Variants in ZC3H12B observed in about 807,000 individuals in gnomAD.
The protein encoded by ZC3H12B is zinc finger CCCH-type containing 12B.
ZC3H12B carries 7 observed loss-of-function variants against 43.9 expected under a neutral mutation model. That is an observed-to-expected ratio of 0.16 (90% confidence interval 0.09 to 0.30). ZC3H12B has a LOEUF of 0.30. ZC3H12B is among the 10% of genes least tolerant of loss of function. The pLI is 1.00. For synonymous variants in ZC3H12B, 222 were observed against 241.7 expected, an observed-to-expected ratio of 0.92 and a Z score of 0.76; for missense variants, 475 against 670.2, an observed-to-expected ratio of 0.71 and a Z score of 3.22.
At chrX:65,309,204 G>A in the ZC3H12B span, among the ~76,000 whole-genome samples, 1 of 109,663 alleles carries the variant, frequency 9.1e-6, no homozygotes, top group East Asian at 2.8e-4. Context: ...ATGAATCCAG[G>A]AGCTGTTTTT....
chrX:65,504,330 T>G (rs900913578), exon 5 of ZC3H12B: 17 of 112,590 alleles, frequency 1.5e-4, no homozygotes, highest in African/African-American at 5.5e-4. Context: ...TCACATTTCA[T>G]AGTTTTAACT....
At chrX:65,408,912 C>T (rs754408145) in intron 3 of ZC3H12B, among the ~76,000 whole-genome samples, 11 of 111,562 alleles carry the variant, frequency 9.9e-5, no homozygotes, top group Admixed American at 1.9e-4. Flanking sequence ...CTAGTTAATG[C>T]CAGTGGCCTG....
chrX:65,115,210 C>A, the ZC3H12B span, among the ~76,000 whole-genome samples: 1 of 107,790 alleles, frequency 9.3e-6, no homozygotes, highest in African/African-American at 3.4e-5. Context: ...CACCCCCCAC[C>A]CTTTTACCCG....
chrX:65,220,066 A>G, the ZC3H12B span, among the ~76,000 whole-genome samples: 3 of 111,639 alleles, frequency 2.7e-5, no homozygotes, highest in African/African-American at 9.7e-5. Flanking sequence ...CTCCTCAAAC[A>G]AAACAATTAT....
At chrX:65,350,421 C>G in the ZC3H12B span, among the ~76,000 whole-genome samples, 1 of 111,621 alleles carries the variant, frequency 9.0e-6, no homozygotes, top group African/African-American at 3.3e-5. Flanking sequence ...CAGCAAAAGA[C>G]AAGGATGCTC....
At chrX:65,188,043 G>C in the ZC3H12B span, among the ~76,000 whole-genome samples, 33 of 111,384 alleles carry the variant, frequency 3.0e-4, no homozygotes, top group African/African-American at 1.1e-3. Context: ...TCAGTAATAT[G>C]TGAGAACATG....
chrX:65,244,874 C>A, the ZC3H12B span, among the ~76,000 whole-genome samples: 7 of 110,404 alleles, frequency 6.3e-5, no homozygotes, highest in South Asian at 1.9e-3. Flanking sequence ...CAACAAAGTG[C>A]AAACTTTTCA....
At chrX:65,297,567 A>G in the ZC3H12B span, among the ~76,000 whole-genome samples, 1 of 111,650 alleles carries the variant, frequency 9.0e-6, no homozygotes, top group Non-Finnish European at 1.9e-5. Context: ...AAATGACCAT[A>G]CTGCCAAAAG....
intron 3 of ZC3H12B, among the ~76,000 whole-genome samples, chrX:65,458,734 C>G (rs894659257): frequency 8.9e-6 from 1 of 111,827 alleles, no homozygotes; most frequent in Non-Finnish European, 1.9e-5. Context: ...ACTTATAGCA[C>G]TAAATGCCCA....
At chrX:65,459,441 T>C (rs56764627) in intron 3 of ZC3H12B, among the ~76,000 whole-genome samples, 26,150 of 110,897 alleles carry the variant, frequency 0.24, 7,530 homozygotes, top group African/African-American at 0.82. Flanking sequence ...TGATGAACAT[T>C]GATGCAAAAA....
At chrX:65,369,997 A>T (rs2066223994) in intron 2 of ZC3H12B, among the ~76,000 whole-genome samples, 1 of 111,465 alleles carries the variant, frequency 9.0e-6, no homozygotes, top group African/African-American at 3.3e-5. Context: ...CTGCAATCGC[A>T]GCATTTTGGG....
chrX:65,412,976 G>GT (rs1488214300), intron 3 of ZC3H12B, among the ~76,000 whole-genome samples: 1 of 109,280 alleles, frequency 9.2e-6, no homozygotes, highest in Non-Finnish European at 1.9e-5. Flanking sequence ...TATTTTCTCG[G>GT]TTTTTTTTCC....
intron 2 of ZC3H12B, among the ~76,000 whole-genome samples, chrX:65,397,095 CT>C (rs1455857251): frequency 1.8e-5 from 2 of 111,297 alleles, no homozygotes; most frequent in Non-Finnish European, 3.8e-5. Flanking sequence ...CTATATGTGT[CT>C]TTGCACGTGA....
At chrX:65,471,261 C>T (rs1015007394) in intron 3 of ZC3H12B, among the ~76,000 whole-genome samples, 3 of 109,826 alleles carry the variant, frequency 2.7e-5, no homozygotes, top group Non-Finnish European at 5.7e-5. Context: ...TATATAATAA[C>T]CTTCTTTGTC....
chrX:65,363,348 T>A (rs141501953), upstream of ZC3H12B, among the ~76,000 whole-genome samples: 1,229 of 111,602 alleles, frequency 0.011, 7 homozygotes, highest in Non-Finnish European at 0.017. Context: ...CTGCTCTCCC[T>A]GCCGTTTGTG....
chrX:65,441,493 A>T (rs977184438), intron 3 of ZC3H12B, among the ~76,000 whole-genome samples: 1 of 111,581 alleles, frequency 9.0e-6, no homozygotes, highest in Non-Finnish European at 1.9e-5. Context: ...TGTGCTTCCA[A>T]ATCCTCCTGT....
chrX:65,381,974 G>A (rs1231552075), intron 2 of ZC3H12B, among the ~76,000 whole-genome samples: 1 of 111,280 alleles, frequency 9.0e-6, no homozygotes, highest in Non-Finnish European at 1.9e-5. Context: ...ACTTACCAAC[G>A]ATAAAGAGTC....
At chrX:65,501,966 T>C in exon 5 of ZC3H12B, 1 of 1,210,834 alleles carries the variant, frequency 8.3e-7, no homozygotes, top group Non-Finnish European at 1.1e-6. Flanking sequence ...AAAGGTGAGA[T>C]AACCTCAGAG....
At chrX:65,141,961 T>C in the ZC3H12B span, among the ~76,000 whole-genome samples, 2 of 112,400 alleles carry the variant, frequency 1.8e-5, no homozygotes, top group Middle Eastern at 9.1e-3. Context: ...TGAATTGTGC[T>C]GCTATAAACA....
Sources: gnomAD v4.1 joint callset for allele counts (sites outside exome capture counted in the v4.1 genomes callset) on GRCh38, gnomAD v4.1.1 for gene constraint, MANE v1.5 for transcripts, NCBI Gene and HGNC (gene_info 2026-07-23, HGNC 2026-07-21) for gene names.